The following ADGRL3 variants were observed in gnomAD, a reference collection of about 807,000 sequenced individuals.
The protein encoded by ADGRL3 is calcium-independent alpha-latrotoxin receptor 3.
Under a neutral mutation model 153.5 loss-of-function variants are expected in ADGRL3, and 62 were observed. The ratio of observed to expected loss-of-function variants is 0.40; its 90% confidence interval spans 0.33 to 0.50. ADGRL3 has a LOEUF of 0.50. Ranked by LOEUF, ADGRL3 falls within the 20% of genes least tolerant of loss-of-function variation. The pLI is 0.47. For synonymous variants in ADGRL3, 710 were observed against 672.5 expected (o/e 1.06, Z -0.86); for missense variants, 1,641 against 1,859.4 (o/e 0.88, Z 2.16).
At chr4:61,958,819 G>T (rs988887208) in intron 17 of ADGRL3, among the ~76,000 whole-genome samples, 1 of 152,080 alleles carries the variant, frequency 6.6e-6, no homozygotes, top group Non-Finnish European at 1.5e-5. Flanking sequence ...AGCCATGTCA[G>T]GGTTATCTCT....
chr4:61,290,621 G>A (rs1166723376), intron 1 of ADGRL3, among the ~76,000 whole-genome samples: 3 of 150,970 alleles, frequency 2.0e-5, no homozygotes, highest in Non-Finnish European at 4.4e-5. Context: ...TCTAGCCTGG[G>A]TAACAGAGTG....
At chr4:61,459,341 A>G (rs1015813492) in intron 2 of ADGRL3, among the ~76,000 whole-genome samples, 3 of 151,834 alleles carry the variant, frequency 2.0e-5, no homozygotes, top group Non-Finnish European at 4.4e-5. Flanking sequence ...GAAATAAAAT[A>G]ATAGGACATT....
intron 2 of ADGRL3, among the ~76,000 whole-genome samples, chr4:61,403,696 G>A (rs1022747076): frequency 1.1e-4 from 16 of 152,086 alleles, no homozygotes; most frequent in African/African-American, 3.6e-4. Context: ...CAGACGTGCA[G>A]TTGATTATCT....
rs759065083 is a variant in ADGRL3 at position 61,892,862 on chromosome 4, G to C, written c.1687G>C (p.Glu563Gln). Residue 563 changes from glutamate to glutamine, a missense_variant, in exon 10 of 27, where the codon GAA becomes CAA. By Grantham distance (29) the Glu-to-Gln change is conservative. Around this residue, in one of 5 missense-constraint regions of ADGRL3, gnomAD observed 734 missense variants for 797.0 expected, o/e 0.92. Coordinates refer to ENST00000683033, the MANE Select transcript of ADGRL3 (RefSeq NM_001387552.1). ...PSASSQIPALEESCEAVEARE... is the reference protein window; with the variant it reads ...PSASSQIPALQESCEAVEARE... ...AGCATCGTCCCAAATCCCAGCTCTC[G>C]AAGAGAGCTGTGAGGCTGTGGAAGC... The C allele has an allele frequency of 1.2e-6, 2 of 1,611,224 alleles. No homozygotes were observed. The highest frequency in any genetic ancestry group is 2.2e-5 in the South Asian group (2 of 90,704).
intron 5 of ADGRL3, among the ~76,000 whole-genome samples, chr4:61,644,165 T>C (rs2093837297): frequency 7.1e-6 from 1 of 141,112 alleles, no homozygotes; most frequent in Admixed American, 7.4e-5. Context: ...TTGTGTCTAT[T>C]TGATTCTTCT....
chr4:61,484,424 C>T (rs113084104), intron 2 of ADGRL3, among the ~76,000 whole-genome samples: 3,095 of 152,266 alleles, frequency 0.02, 34 homozygotes, highest in Non-Finnish European at 0.033. Flanking sequence ...TATTGGTCAT[C>T]ACTGTGAAGT....
At chr4:61,380,495 T>C (rs935172266) in intron 1 of ADGRL3, among the ~76,000 whole-genome samples, 43 of 152,168 alleles carry the variant, frequency 2.8e-4, no homozygotes, top group African/African-American at 1.0e-3. Context: ...TTTTATTTTA[T>C]TTTGCATTTT....
chr4:61,480,831 A>G (rs944611010), intron 2 of ADGRL3, among the ~76,000 whole-genome samples: 14 of 152,084 alleles, frequency 9.2e-5, no homozygotes, highest in Admixed American at 7.2e-4. Flanking sequence ...AAAATGAGCA[A>G]AGGACCTAAG....
intron 2 of ADGRL3, among the ~76,000 whole-genome samples, chr4:61,469,004 C>T (rs182594536): frequency 7.6e-4 from 115 of 152,142 alleles, no homozygotes; most frequent in Admixed American, 4.2e-3. Flanking sequence ...CTAGACTGTA[C>T]GCTCTACTTG....
intron 17 of ADGRL3, among the ~76,000 whole-genome samples, chr4:61,960,024 C>G (rs1228839066): frequency 6.6e-6 from 1 of 152,080 alleles, no homozygotes; most frequent in African/African-American, 2.4e-5. Context: ...TTGAGTACCT[C>G]AAAATATAGA....
chr4:61,833,441 T>A (rs186517496), intron 9 of ADGRL3, among the ~76,000 whole-genome samples: 99 of 152,250 alleles, frequency 6.5e-4, no homozygotes, highest in African/African-American at 2.3e-3. Context: ...CATTCAGGGA[T>A]CAGAGTTTTT....
intron 21 of ADGRL3, among the ~76,000 whole-genome samples, chr4:61,999,609 T>C (rs2099133548): frequency 6.6e-6 from 1 of 152,224 alleles, no homozygotes; most frequent in Admixed American, 6.5e-5. Context: ...TCTGTGCTAC[T>C]GACATTCTCC....
chr4:62,006,032 ATTTT>A (rs1553908051), intron 21 of ADGRL3, among the ~76,000 whole-genome samples: 166 of 73,078 alleles, frequency 2.3e-3, no homozygotes, highest in Non-Finnish European at 3.6e-3. Flanking sequence ...ATATATATAT[ATTTT>A]TTTTTTTTTT....
intron 2 of ADGRL3, among the ~76,000 whole-genome samples, chr4:61,393,506 T>C (rs978540117): frequency 6.6e-6 from 1 of 152,114 alleles, no homozygotes; most frequent in African/African-American, 2.4e-5. Context: ...TGAGATTTTA[T>C]TGAGAATTAC....
chr4:61,928,615 A>G (rs960689986), intron 13 of ADGRL3, among the ~76,000 whole-genome samples: 1 of 152,218 alleles, frequency 6.6e-6, no homozygotes, highest in Admixed American at 6.5e-5. Context: ...AACATTATGG[A>G]AAACTTTTTA....
chr4:61,808,434 G>A lies in ADGRL3; in HGVS notation c.1400-5375G>A, dbSNP rs145775838. Among the ~76,000 whole-genome samples, 609 of 152,210 alleles carry A rather than the reference G, an allele frequency of 4.0e-3. 3 individuals are homozygous for A. Among genetic ancestry groups the A allele is most frequent in the Non-Finnish European group, 6.1e-3 (412 of 68,014 alleles). Reference sequence around the variant, plus strand: ...ATGTTTCGGATAAGTCAAGCATATAGTTGTTTCTCTGCTACCTCATACTTC... The same window carrying A: ...ATGTTTCGGATAAGTCAAGCATATAATTGTTTCTCTGCTACCTCATACTTC... On this transcript the variant is annotated intron_variant, in intron 8 of 26. Transcript: ENST00000683033.
chr4:61,273,653 C>T (rs1329496412), intron 1 of ADGRL3, among the ~76,000 whole-genome samples: 1 of 152,136 alleles, frequency 6.6e-6, no homozygotes, highest in Non-Finnish European at 1.5e-5. Flanking sequence ...ATTCCCTACC[C>T]TCGAATATGT....
intron 24 of ADGRL3, among the ~76,000 whole-genome samples, chr4:62,043,359 G>C (rs1729419944): frequency 6.6e-6 from 1 of 151,958 alleles, no homozygotes; most frequent in South Asian, 2.1e-4. Flanking sequence ...ACAAATGTGA[G>C]AGACTGGCTC....
Position 61,731,830 on chromosome 4 carries a change from C to T in ADGRL3, c.599-924C>T, listed in dbSNP as rs79385109. Among the ~76,000 whole-genome samples, 1,369 of 152,208 alleles carry T rather than the reference C, an allele frequency of 9.0e-3. 30 individuals carry two copies. The highest frequency in any genetic ancestry group is 0.031 in the African/African-American group (1,298 of 41,552). ...ACATTGCTTTATAGCCCCTTCACTA[C>T]AGATGAATCAGCCAGGCTTTCTTAC... On this transcript the variant is annotated intron_variant, in intron 7 of 26. Transcript: ENST00000683033.
Sources: gnomAD v4.1 joint callset for allele counts (sites outside exome capture counted in the v4.1 genomes callset) on GRCh38, gnomAD v4.1.1 for gene constraint, gnomAD v4.1.1 regional missense constraint, MANE v1.5 for transcripts, NCBI Gene and HGNC (gene_info 2026-07-23, HGNC 2026-07-21) for gene names.